Variants in DOCK3 observed in about 807,000 individuals in gnomAD.
DOCK3 encodes the protein dedicator of cytokinesis 3.
Under a neutral mutation model 265.6 loss-of-function variants are expected in DOCK3, and 60 were observed. The ratio of observed to expected loss-of-function variants is 0.23; its 90% CI spans 0.18 to 0.28. DOCK3 has a LOEUF of 0.28. Among genes scored for constraint, DOCK3 ranks in the 10% least tolerant of loss-of-function variants. DOCK3 has a pLI of 1.00. For synonymous variants in DOCK3, 881 were observed against 938.0 expected (o/e 0.94, Z 1.11); for missense variants, 1,981 against 2,594.3 (o/e 0.76, Z 5.14).
At chr3:50,706,897 G>A (rs943411355) in intron 1 of DOCK3, among the ~76,000 whole-genome samples, 2 of 152,204 alleles carry the variant, frequency 1.3e-5, no homozygotes, top group South Asian at 4.2e-4. Flanking sequence ...ATTGGAGGTA[G>A]GGCCTGATAG....
chr3:51,239,556 T>G (rs2078504997), intron 21 of DOCK3, among the ~76,000 whole-genome samples: 2 of 133,308 alleles, frequency 1.5e-5, no homozygotes, highest in Admixed American at 7.2e-5. Context: ...TGGTCCTGGG[T>G]TTTTTTTTTG....
intron 37 of DOCK3, 141 bp from the exon 38 acceptor site, chr3:51,341,096 T>G: frequency 9.7e-7 from 1 of 1,030,322 alleles, no homozygotes; most frequent in Non-Finnish European, 1.4e-6. Context: ...TACTGTTTCA[T>G]CTTTAGTATC....
intron 4 of DOCK3, among the ~76,000 whole-genome samples, chr3:50,907,607 T>C (rs1370489749): frequency 6.6e-6 from 1 of 152,240 alleles, no homozygotes; most frequent in Middle Eastern, 3.4e-3. Flanking sequence ...ATTTGCTTGG[T>C]AGATCTTCCT....
At chr3:50,988,071 C>A (rs540703305) in intron 5 of DOCK3, among the ~76,000 whole-genome samples, 2 of 152,312 alleles carry the variant, frequency 1.3e-5, no homozygotes, top group East Asian at 3.9e-4. Context: ...CCTCACAAGA[C>A]CCACTGGCTT....
intron 9 of DOCK3, among the ~76,000 whole-genome samples, chr3:51,095,947 A>G (rs1576057021): frequency 8.0e-6 from 1 of 124,348 alleles, no homozygotes; most frequent in Non-Finnish European, 1.6e-5. Flanking sequence ...ATTGGCCCCC[A>G]CGCTCTCTGG....
chr3:50,969,535 T>G (rs192721754), intron 5 of DOCK3, among the ~76,000 whole-genome samples: 2 of 152,362 alleles, frequency 1.3e-5, no homozygotes, highest in East Asian at 3.8e-4. Context: ...GTTGCCTAGT[T>G]GCTTTGTAGT....
chr3:51,262,969 G>A (rs2079942076), intron 23 of DOCK3, among the ~76,000 whole-genome samples: 1 of 152,214 alleles, frequency 6.6e-6, no homozygotes, highest in African/African-American at 2.4e-5. Context: ...GTGACAGGGA[G>A]AATGGAACCA....
chr3:50,850,954 TCTGAG>T (rs911464788), intron 3 of DOCK3, among the ~76,000 whole-genome samples: 4 of 152,128 alleles, frequency 2.6e-5, no homozygotes, highest in African/African-American at 9.7e-5. Flanking sequence ...TACACAGTGG[TCTGAG>T]CTCCCTGCTC....
intron 49 of DOCK3, 111 bp downstream of exon 49, chr3:51,362,785 A>T: frequency 7.0e-7 from 1 of 1,438,206 alleles, no homozygotes; most frequent in Non-Finnish European, 9.3e-7. Flanking sequence ...TGACTTAGAG[A>T]ATACTCATTT....
intron 12 of DOCK3, among the ~76,000 whole-genome samples, chr3:51,166,618 A>C (rs1421427530): frequency 6.6e-6 from 1 of 152,168 alleles, no homozygotes; most frequent in African/African-American, 2.4e-5. Context: ...CACTCTTGTC[A>C]TCACTTGTTA....
At chr3:51,037,503 C>T (rs543330168) in intron 5 of DOCK3, among the ~76,000 whole-genome samples, 42 of 152,060 alleles carry the variant, frequency 2.8e-4, no homozygotes, top group African/African-American at 7.7e-4. Context: ...ATTACATGCC[C>T]GACATTGTTA....
chr3:51,362,438 A>G, intron 48 of DOCK3, 89 bp from the exon 49 acceptor site: 1 of 1,534,990 alleles, frequency 6.5e-7, no homozygotes, highest in Non-Finnish European at 8.9e-7. Context: ...GGGGCAGAAC[A>G]CCTCAGGGCA....
intron 1 of DOCK3, among the ~76,000 whole-genome samples, chr3:50,700,088 G>A (rs1034098016): frequency 7.9e-5 from 12 of 152,068 alleles, no homozygotes; most frequent in African/African-American, 2.7e-4. Context: ...AGACCAGTCT[G>A]GCCAACATGG....
intron 22 of DOCK3, among the ~76,000 whole-genome samples, chr3:51,252,952 G>A (rs112343518): frequency 1.3e-5 from 2 of 152,188 alleles, no homozygotes; most frequent in East Asian, 1.9e-4. Flanking sequence ...GTTTTCAAAG[G>A]GAATGCTTCT....
chr3:50,977,495 G>T (rs1046221866), intron 5 of DOCK3, among the ~76,000 whole-genome samples: 4 of 152,174 alleles, frequency 2.6e-5, no homozygotes, highest in African/African-American at 9.7e-5. Context: ...GGCTTGTAGG[G>T]TTTCTGCCAA....
At chr3:51,150,859 G>C (rs991379879) in intron 10 of DOCK3, among the ~76,000 whole-genome samples, 9 of 152,164 alleles carry the variant, frequency 5.9e-5, no homozygotes, top group Non-Finnish European at 1.0e-4. Context: ...TGGTCCACTT[G>C]GTGCAGAGCT....
At chr3:50,910,532 A>T (rs1173842684) in intron 4 of DOCK3, among the ~76,000 whole-genome samples, 1 of 152,136 alleles carries the variant, frequency 6.6e-6, no homozygotes, top group Non-Finnish European at 1.5e-5. Context: ...TTCAGAACCC[A>T]GGGGCACTTT....
chr3:51,237,688 G>GA, intron 21 of DOCK3, 98 bp downstream of exon 21: 1 of 1,072,906 alleles, frequency 9.3e-7, no homozygotes, highest in Non-Finnish European at 1.4e-6. Context: ...AAGTTCAGCT[G>GA]ACTTTTTAAA....
intron 13 of DOCK3, 41 bp downstream of exon 13, chr3:51,208,903 G>T: frequency 6.4e-7 from 1 of 1,558,166 alleles, no homozygotes; most frequent in Non-Finnish European, 8.7e-7. Context: ...TGTTACATTT[G>T]TAGTTGCTAC....
Sources: gnomAD v4.1 joint callset for allele counts (sites outside exome capture counted in the v4.1 genomes callset) on GRCh38, gnomAD v4.1.1 for gene constraint, MANE v1.5 for transcripts, NCBI Gene and HGNC (gene_info 2026-07-23, HGNC 2026-07-21) for gene names.